EYS: variants seen among roughly 807,000 people sequenced by gnomAD.
EYS encodes EGF-like photoreceptor maintenance factor, also known as protein eyes shut homolog.
Under a neutral mutation model 282.1 loss-of-function variants are expected in EYS, and 250 were observed. The ratio of observed to expected loss-of-function variants is 0.89; its 90% confidence interval spans 0.80 to 0.98. The LOEUF (loss-of-function observed/expected upper bound fraction) is 0.98, where lower values mean the gene tolerates loss of function less well. Ranked by LOEUF, EYS falls within the 50% of genes least tolerant of loss-of-function variation. The pLI, the probability that EYS is intolerant of heterozygous loss-of-function variation, is 0.00. For synonymous variants in EYS, 1,355 were observed against 1,282.9 expected (o/e 1.06, Z -1.20); for missense variants, 4,016 against 3,709.0 (o/e 1.08, Z -2.15).
At chr6:64,770,013 T>A (rs1773476643) in intron 22 of EYS, among the ~76,000 whole-genome samples, 1 of 152,018 alleles carries the variant, frequency 6.6e-6, no homozygotes, top group Non-Finnish European at 1.5e-5. Context: ...AGAAATAATT[T>A]TTTTTACTTC....
Position 64,789,209 on chromosome 6 carries a change from C to T in EYS, c.3443+24169G>A, listed in dbSNP as rs2149999060. ...TACAAAGATGACTGTTATTTTCCTC[C>T]TTACAAGATTTTTAACAATTTTTCT... is the stretch of plus-strand genomic sequence containing the variant. On this transcript the variant is annotated intron_variant, in intron 22 of 42. Coordinates refer to ENST00000503581, the MANE Select transcript of EYS (RefSeq NM_001142800.2). Among the ~76,000 whole-genome samples the T allele has an allele frequency of 1.3e-5, 2 of 152,280 alleles. 1 individual carries two copies. Among genetic ancestry groups the T allele is most frequent in the South Asian group, 4.1e-4 (2 of 4,830 alleles).
chr6:65,503,173 T>C (rs1302567836), intron 2 of EYS, among the ~76,000 whole-genome samples: 2 of 151,710 alleles, frequency 1.3e-5, no homozygotes, highest in African/African-American at 4.8e-5. Flanking sequence ...TTTAAATAGG[T>C]ATTTACTGGT....
At chr6:64,899,843 A>G (rs1373537352) in intron 18 of EYS, among the ~76,000 whole-genome samples, 6 of 152,166 alleles carry the variant, frequency 3.9e-5, no homozygotes, top group Non-Finnish European at 5.9e-5. Context: ...CCATCAAGCT[A>G]CCATTGACTC....
chr6:64,939,716 A>G (rs1045878812), intron 15 of EYS, among the ~76,000 whole-genome samples: 4 of 151,864 alleles, frequency 2.6e-5, no homozygotes, highest in Non-Finnish European at 5.9e-5. Context: ...CATATGTATA[A>G]GACATTGTTT....
intron 34 of EYS, among the ~76,000 whole-genome samples, chr6:63,986,468 C>T (rs1767373017): frequency 6.6e-6 from 1 of 151,764 alleles, no homozygotes; most frequent in African/African-American, 2.4e-5. Flanking sequence ...AAGACACACG[C>T]ACCTGAATGT....
intron 26 of EYS, among the ~76,000 whole-genome samples, chr6:64,565,129 C>T (rs1458930900): frequency 6.6e-6 from 1 of 152,034 alleles, no homozygotes; most frequent in Non-Finnish European, 1.5e-5. Flanking sequence ...TTGAAGCCTT[C>T]CTTTTCTGTG....
At chr6:64,900,268 C>A (rs1767614349) in intron 18 of EYS, among the ~76,000 whole-genome samples, 1 of 152,082 alleles carries the variant, frequency 6.6e-6, no homozygotes, top group African/African-American at 2.4e-5. Flanking sequence ...GATCTAAACT[C>A]ATAAAAACTC....
At position 65,260,730 on chromosome 6, in the gene EYS, T is replaced by C. The variant is rs1403884528; in HGVS notation, c.2023+35133A>G. 2.0e-5 allele frequency among the ~76,000 whole-genome samples: 3 copies of C among 152,056 alleles called. No homozygotes were observed. In the East Asian group the frequency reaches 5.8e-4, roughly 29 times the overall value. ...CACACAATATCCAATATGGCCCTTT[T>C]ATGTTGTATGTGCTCTAAATACACT... is the stretch of plus-strand genomic sequence containing the variant. On this transcript the variant is annotated intron_variant, in intron 12 of 42. Coordinates refer to ENST00000503581, the MANE Select transcript of EYS (RefSeq NM_001142800.2).
intron 5 of EYS, among the ~76,000 whole-genome samples, chr6:65,411,523 C>A (rs1767011248): frequency 6.6e-6 from 1 of 151,950 alleles, no homozygotes; most frequent in African/African-American, 2.4e-5. Context: ...AGTTCTATGT[C>A]ATTTCATCAC....
chr6:64,776,976 A>G (rs1396345380), intron 22 of EYS, among the ~76,000 whole-genome samples: 1 of 152,132 alleles, frequency 6.6e-6, no homozygotes, highest in Non-Finnish European at 1.5e-5. Context: ...ATGGCTGCGG[A>G]GGCCTCAGGA....
intron 5 of EYS, among the ~76,000 whole-genome samples, chr6:65,443,703 TGTGCATATACACATATATACACATAC>T (rs200924503): frequency 0.4 from 59,667 of 148,184 alleles, 12,707 homozygotes; most frequent in Admixed American, 0.53. Flanking sequence ...TATACACATA[TGTGCATATACACATATATACACATAC>T]GTGCATATAC....
At chr6:64,877,689 T>C (rs1766791295) in intron 19 of EYS, among the ~76,000 whole-genome samples, 2 of 152,188 alleles carry the variant, frequency 1.3e-5, no homozygotes, top group African/African-American at 4.8e-5. Flanking sequence ...ATCTTGGGAT[T>C]AAAGCATGAT....
intron 12 of EYS, among the ~76,000 whole-genome samples, chr6:65,250,031 G>A (rs1767281653): frequency 6.6e-6 from 1 of 151,984 alleles, no homozygotes; most frequent in Non-Finnish European, 1.5e-5. Context: ...TAATGGAAGA[G>A]GTCAAGTTTC....
At chr6:63,733,599 T>G (rs1042695656) in intron 41 of EYS, among the ~76,000 whole-genome samples, 2 of 152,146 alleles carry the variant, frequency 1.3e-5, no homozygotes, top group Non-Finnish European at 2.9e-5. Context: ...TGTATCTATG[T>G]GCTTGCAACA....
chr6:65,580,342 C>T (rs1764823586), intron 2 of EYS, among the ~76,000 whole-genome samples: 1 of 152,004 alleles, frequency 6.6e-6, no homozygotes, highest in Non-Finnish European at 1.5e-5. Flanking sequence ...AATAAAGTTA[C>T]TAAAAATATG....
At chr6:63,830,268 C>T (rs1326804515) in intron 36 of EYS, among the ~76,000 whole-genome samples, 2 of 152,182 alleles carry the variant, frequency 1.3e-5, no homozygotes, top group Non-Finnish European at 2.9e-5. Context: ...TTACAGACTC[C>T]TCCCAGCTAA....
At chr6:64,777,426 T>C (rs181482041) in intron 22 of EYS, among the ~76,000 whole-genome samples, 1 of 152,178 alleles carries the variant, frequency 6.6e-6, no homozygotes, top group East Asian at 1.9e-4. Flanking sequence ...AAATGGCATC[T>C]AAAAGGACAA....
chr6:65,253,198 A>G (rs1195019053), intron 12 of EYS, among the ~76,000 whole-genome samples: 2 of 152,026 alleles, frequency 1.3e-5, no homozygotes, highest in African/African-American at 2.4e-5. Flanking sequence ...AGGATAATAT[A>G]GCTTGAGACA....
intron 12 of EYS, among the ~76,000 whole-genome samples, chr6:65,252,661 T>G (rs1162533573): frequency 6.6e-6 from 1 of 152,004 alleles, no homozygotes; most frequent in Non-Finnish European, 1.5e-5. Context: ...CGAATTTATC[T>G]GACAAACACT....
Sources: gnomAD v4.1 joint callset for allele counts (sites outside exome capture counted in the v4.1 genomes callset) on GRCh38, gnomAD v4.1.1 for gene constraint, MANE v1.5 for transcripts, NCBI Gene and HGNC (gene_info 2026-07-23, HGNC 2026-07-21) for gene names.